ZC4H2: variants seen among roughly 807,000 people sequenced by gnomAD.
ZC4H2 encodes zinc finger C4H2-type containing.
For synonymous variants in ZC4H2, 84 were observed against 66.3 expected (o/e 1.27, Z -1.30); for missense variants, 137 against 173.9 (o/e 0.79, Z 1.19).
rs911825433 is a variant in ZC4H2, at chrX:64,917,128, A to T, written c.*655T>A. The T allele has an allele frequency of 1.8e-5, 2 of 112,106 alleles. No homozygotes were observed. Among genetic ancestry groups the T allele is most frequent in the African/African-American group, 6.5e-5 (2 of 30,707 alleles). 9.2% of individuals were successfully genotyped at this position (112,106 alleles called of 1,213,427 possible). A position where few individuals can be genotyped will look rare whatever the true frequency, so the allele number is the denominator to read the frequency against. ...AAGACTAGATATTGGGGAAAGGTTC[A>T]TTGATCTTAAGATCCCAAGACACAC... On this transcript the variant is annotated 3_prime_UTR_variant, in exon 5 of 5. Coordinates refer to ENST00000374839, the MANE Select transcript of ZC4H2 (RefSeq NM_018684.4).
chrX:65,007,127 T>A (rs12851605), intron 1 of ZC4H2, among the ~76,000 whole-genome samples: 3 of 110,656 alleles, frequency 2.7e-5, no homozygotes, highest in African/African-American at 9.9e-5. Context: ...TAAATACTTG[T>A]TGTTCAAAAA....
At chrX:64,929,553 G>A (rs1929643958) in intron 1 of ZC4H2, among the ~76,000 whole-genome samples, 1 of 111,512 alleles carries the variant, frequency 9.0e-6, no homozygotes, top group Non-Finnish European at 1.9e-5. Flanking sequence ...TAAGGTGAGA[G>A]GTGAGGATCT....
intron 1 of ZC4H2, among the ~76,000 whole-genome samples, chrX:64,993,434 G>C (rs936726354): frequency 9.0e-6 from 1 of 111,374 alleles, no homozygotes; most frequent in African/African-American, 3.3e-5. Flanking sequence ...CCAAGACGAT[G>C]GTATTAGTAG....
At chrX:64,951,053 G>T (rs764376827) in intron 1 of ZC4H2, among the ~76,000 whole-genome samples, 2 of 110,636 alleles carry the variant, frequency 1.8e-5, no homozygotes, top group East Asian at 5.7e-4. Flanking sequence ...GAGAACATGC[G>T]GTGTTTGGTT....
intron 1 of ZC4H2, among the ~76,000 whole-genome samples, chrX:65,012,659 A>T (rs1477928373): frequency 8.9e-6 from 1 of 112,241 alleles, no homozygotes; most frequent in South Asian, 3.7e-4. Flanking sequence ...CTACATGACT[A>T]CATCAGGTAG....
At position 64,922,539 on chromosome X, in the gene ZC4H2, G is replaced by C. The variant is rs1169075241; in HGVS notation, c.54-551C>G. On this transcript the variant is annotated intron_variant, in intron 1 of 4. Transcript: ENST00000374839. ...TATGGGGCATTTGCAAATATGGAGTGTTTTGGCTGTTAGATTGACTCAAGG... is the reference window on the plus strand; with the variant it reads ...TATGGGGCATTTGCAAATATGGAGTCTTTTGGCTGTTAGATTGACTCAAGG... 4.5e-5 allele frequency among the ~76,000 whole-genome samples: 5 copies of C among 112,065 alleles called. No homozygotes were observed. The South Asian group carries it at 1.5e-3, about 33-fold the overall frequency.
At chrX:64,988,994 G>A (rs1218810604) in intron 1 of ZC4H2, among the ~76,000 whole-genome samples, 2 of 112,014 alleles carry the variant, frequency 1.8e-5, no homozygotes, top group East Asian at 2.8e-4. Flanking sequence ...CTCGTTTATT[G>A]TTTTTGTCAA....
chrX:65,018,461 C>A (rs1421680843), intron 1 of ZC4H2, among the ~76,000 whole-genome samples: 1 of 111,922 alleles, frequency 8.9e-6, no homozygotes. Context: ...CAAGAGAAAC[C>A]GTGAGAGACT....
chrX:64,961,171 G>T (rs983581067), intron 1 of ZC4H2, among the ~76,000 whole-genome samples: 1 of 111,290 alleles, frequency 9.0e-6, no homozygotes, highest in Non-Finnish European at 1.9e-5. Context: ...CATATTTCTG[G>T]TGAATTGACT....
At chrX:64,963,827 T>G (rs1311263369) in intron 1 of ZC4H2, among the ~76,000 whole-genome samples, 1 of 111,443 alleles carries the variant, frequency 9.0e-6, no homozygotes, top group Non-Finnish European at 1.9e-5. Flanking sequence ...ATGAATGAAT[T>G]AACAATGTAG....
intron 1 of ZC4H2, among the ~76,000 whole-genome samples, chrX:65,031,719 C>G (rs1932935930): frequency 9.0e-6 from 1 of 111,446 alleles, no homozygotes; most frequent in South Asian, 3.8e-4. Flanking sequence ...CACATATTTC[C>G]AAGGTCAAGG....
chrX:65,021,981 A>C (rs947224691), intron 1 of ZC4H2, among the ~76,000 whole-genome samples: 4 of 111,921 alleles, frequency 3.6e-5, no homozygotes, highest in Non-Finnish European at 5.6e-5. Flanking sequence ...ACCAGGGAGA[A>C]GTCGAATCCC....
intron 1 of ZC4H2, among the ~76,000 whole-genome samples, chrX:64,983,186 A>G (rs972889945): frequency 8.9e-6 from 1 of 111,833 alleles, no homozygotes; most frequent in Non-Finnish European, 1.9e-5. Flanking sequence ...ATCTGACTCA[A>G]GGGCAAATAA....
intron 1 of ZC4H2, among the ~76,000 whole-genome samples, chrX:64,990,375 G>A (rs1238656048): frequency 4.5e-5 from 5 of 111,375 alleles, no homozygotes; most frequent in African/African-American, 1.6e-4. Flanking sequence ...GTAGTGGGAG[G>A]GAAGTAGGTG....
intron 1 of ZC4H2, among the ~76,000 whole-genome samples, chrX:64,948,441 A>G (rs1930644952): frequency 8.9e-6 from 1 of 111,972 alleles, no homozygotes; most frequent in Non-Finnish European, 1.9e-5. Flanking sequence ...ACACTTAGGT[A>G]GGAAAAATCA....
chrX:64,929,890 T>C (rs1439898632), intron 1 of ZC4H2, among the ~76,000 whole-genome samples: 1 of 111,706 alleles, frequency 9.0e-6, no homozygotes, highest in Non-Finnish European at 1.9e-5. Context: ...GATTGCTTTT[T>C]TCTTGTTCTG....
chrX:64,941,782 G>A (rs1930293174), intron 1 of ZC4H2, among the ~76,000 whole-genome samples: 1 of 111,926 alleles, frequency 8.9e-6, no homozygotes, highest in Non-Finnish European at 1.9e-5. Flanking sequence ...ATGTGCTGCT[G>A]GATTCGGTTT....
intron 1 of ZC4H2, among the ~76,000 whole-genome samples, chrX:65,013,950 C>T (rs867943192): frequency 1.8e-5 from 2 of 111,091 alleles, no homozygotes; most frequent in Non-Finnish European, 3.8e-5. Context: ...CAGATATTTT[C>T]TCTTCTGCTC....
chrX:64,967,461 A>G (rs1931631109), intron 1 of ZC4H2, among the ~76,000 whole-genome samples: 1 of 112,117 alleles, frequency 8.9e-6, no homozygotes, highest in African/African-American at 3.2e-5. Flanking sequence ...GTTCTTGTGG[A>G]TGAATGATAA....
Sources: gnomAD v4.1 joint callset for allele counts (sites outside exome capture counted in the v4.1 genomes callset) on GRCh38, gnomAD v4.1.1 for gene constraint, MANE v1.5 for transcripts, NCBI Gene and HGNC (gene_info 2026-07-23, HGNC 2026-07-21) for gene names.